Variants in CPA6 observed in about 807,000 individuals in gnomAD.
CPA6 encodes the protein carboxypeptidase B.
A neutral mutation model predicts 63.3 loss-of-function variants in CPA6; 58 were observed. The ratio of observed to expected loss-of-function variants is 0.92; its 90% CI spans 0.74 to 1.14. CPA6 has a LOEUF of 1.14. Among genes scored for constraint, CPA6 ranks in the 50% most tolerant of loss-of-function variants. The pLI is 0.00. For synonymous variants in CPA6, 185 were observed against 179.0 expected (o/e 1.03, Z -0.27); for missense variants, 565 against 526.6 (o/e 1.07, Z -0.71).
At chr8:67,523,616 C>A (rs929636562) in intron 2 of CPA6, among the ~76,000 whole-genome samples, 4 of 152,178 alleles carry the variant, frequency 2.6e-5, no homozygotes, top group Non-Finnish European at 5.9e-5. Flanking sequence ...AAAAAAAATT[C>A]TTTGCAATGA....
chr8:67,608,394 C>G (rs898401427), intron 2 of CPA6, among the ~76,000 whole-genome samples: 2 of 152,122 alleles, frequency 1.3e-5, no homozygotes, highest in African/African-American at 4.8e-5. Flanking sequence ...GAGAGGAGTT[C>G]GACTGGGGAA....
chr8:67,448,748 T>G (rs1164534416), intron 8 of CPA6, among the ~76,000 whole-genome samples: 1 of 151,228 alleles, frequency 6.6e-6, no homozygotes, highest in Non-Finnish European at 1.5e-5. Flanking sequence ...TTAAAGATTA[T>G]AGGTACTTTC....
At chr8:67,460,279 G>C (rs1810771593) in intron 8 of CPA6, among the ~76,000 whole-genome samples, 1 of 152,144 alleles carries the variant, frequency 6.6e-6, no homozygotes, top group Non-Finnish European at 1.5e-5. Context: ...CCCACAGCAA[G>C]GTCCCTCTTA....
chr8:67,625,381 T>A (rs1815173718), intron 1 of CPA6, among the ~76,000 whole-genome samples: 1 of 152,164 alleles, frequency 6.6e-6, no homozygotes, highest in African/African-American at 2.4e-5. Context: ...TCTGTAAAGG[T>A]CCTGAATTAC....
chr8:67,709,491 A>G (rs1312441587), intron 1 of CPA6, among the ~76,000 whole-genome samples: 1 of 152,198 alleles, frequency 6.6e-6, no homozygotes, highest in Non-Finnish European at 1.5e-5. Context: ...CACTACTAAC[A>G]ATGATAAATA....
chr8:67,637,559 A>C (rs537227558), intron 1 of CPA6, among the ~76,000 whole-genome samples: 1 of 151,666 alleles, frequency 6.6e-6, no homozygotes, highest in South Asian at 2.1e-4. Flanking sequence ...CTATTTATTC[A>C]ATATTTATCC....
At chr8:67,479,931 T>C (rs1175824919) in intron 8 of CPA6, among the ~76,000 whole-genome samples, 1 of 151,814 alleles carries the variant, frequency 6.6e-6, no homozygotes, top group Admixed American at 6.6e-5. Flanking sequence ...CCAGATGATC[T>C]ACCCAAATGA....
chr8:67,596,330 A>G (rs1186514024), intron 2 of CPA6, among the ~76,000 whole-genome samples: 2 of 152,080 alleles, frequency 1.3e-5, no homozygotes, highest in Non-Finnish European at 2.9e-5. Flanking sequence ...ACCTGTTCTT[A>G]TTATTTTGCA....
chr8:67,731,899 C>T (rs1817712525), intron 1 of CPA6, among the ~76,000 whole-genome samples: 1 of 152,168 alleles, frequency 6.6e-6, no homozygotes, highest in African/African-American at 2.4e-5. Flanking sequence ...TGAGGAGTGA[C>T]CTACAATTTC....
chr8:67,476,553 C>CTTTTT (rs71554607), intron 8 of CPA6, among the ~76,000 whole-genome samples: 4 of 142,018 alleles, frequency 2.8e-5, no homozygotes, highest in African/African-American at 1.0e-4. Context: ...CTCTCTCTCT[C>CTTTTT]TTTTTTTTTT....
intron 1 of CPA6, among the ~76,000 whole-genome samples, chr8:67,661,892 G>A (rs918433901): frequency 6.6e-6 from 1 of 152,130 alleles, no homozygotes; most frequent in African/African-American, 2.4e-5. Flanking sequence ...TTTACTTCAC[G>A]TAGCATAATG....
intron 3 of CPA6, among the ~76,000 whole-genome samples, chr8:67,512,466 T>A (rs1053966787): frequency 3.9e-5 from 6 of 152,176 alleles, no homozygotes; most frequent in Non-Finnish European, 8.8e-5. Flanking sequence ...GCTCAGCCAA[T>A]TATAGTGAAT....
intron 1 of CPA6, among the ~76,000 whole-genome samples, chr8:67,649,850 A>G (rs905414486): frequency 2.0e-5 from 3 of 152,204 alleles, no homozygotes; most frequent in Non-Finnish European, 4.4e-5. Flanking sequence ...GATGCTGTGA[A>G]TGAAGACTTA....
chr8:67,690,189 T>C (rs555455186), intron 1 of CPA6, among the ~76,000 whole-genome samples: 7 of 152,312 alleles, frequency 4.6e-5, no homozygotes, highest in South Asian at 2.1e-4. Context: ...CTGTATCTTA[T>C]AGGTGGTTCA....
intron 6 of CPA6, 101 bp downstream of exon 6, chr8:67,506,686 C>T: frequency 4.1e-6 from 3 of 737,336 alleles, no homozygotes; most frequent in South Asian, 3.1e-5. Flanking sequence ...GTTATTCAAT[C>T]AGGTATCATT....
chr8:67,496,559 T>TATATATA (rs1811722289), intron 6 of CPA6, among the ~76,000 whole-genome samples: 2 of 105,238 alleles, frequency 1.9e-5, no homozygotes, highest in Admixed American at 9.5e-5. Context: ...ATATATATAT[T>TATATATA]TATTTTATTT....
intron 2 of CPA6, among the ~76,000 whole-genome samples, chr8:67,542,007 T>C (rs1812718942): frequency 6.6e-6 from 1 of 152,246 alleles, no homozygotes; most frequent in Non-Finnish European, 1.5e-5. Flanking sequence ...CTATGTCCAT[T>C]TGTATTATCT....
chr8:67,587,502 T>C (rs978628514), intron 2 of CPA6, among the ~76,000 whole-genome samples: 1 of 151,992 alleles, frequency 6.6e-6, no homozygotes, highest in East Asian at 1.9e-4. Context: ...TGATGTAAGG[T>C]GGCCTTTTTT....
chr8:67,707,315 T>A (rs1817158332), intron 1 of CPA6, among the ~76,000 whole-genome samples: 1 of 152,172 alleles, frequency 6.6e-6, no homozygotes, highest in Non-Finnish European at 1.5e-5. Flanking sequence ...ACTGACATAA[T>A]CCTTTCACGA....
Sources: allele counts gnomAD v4.1 joint callset (sites outside exome capture counted in the v4.1 genomes callset), GRCh38; gene constraint gnomAD v4.1.1; transcripts MANE v1.5; gene names NCBI Gene and HGNC (gene_info 2026-07-23, HGNC 2026-07-21).